The following CSMD1 variants were observed in gnomAD, a reference collection of about 807,000 sequenced individuals.
The protein encoded by CSMD1 is CUB and sushi domain-containing protein 1.
Under a neutral mutation model 417.5 loss-of-function variants are expected in CSMD1, and 213 were observed. That is an observed-to-expected ratio of 0.51 (90% CI 0.46 to 0.57). The LOEUF is 0.57. Ranked by LOEUF, CSMD1 falls within the 20% of genes least tolerant of loss-of-function variation. The probability of loss-of-function intolerance (pLI) is 0.00; values close to 1 mark genes in which losing one functional copy is unlikely to be tolerated. For synonymous variants in CSMD1, 2,862 were observed against 1,736.8 expected (o/e 1.65, Z -16.11); for missense variants, 6,923 against 4,529.7 (o/e 1.53, Z -15.17).
At chr8:3,553,170 G>A (rs1457257540) in intron 10 of CSMD1, among the ~76,000 whole-genome samples, 1 of 151,834 alleles carries the variant, frequency 6.6e-6, no homozygotes, top group Non-Finnish European at 1.5e-5. Context: ...TCTTTCATCA[G>A]TTTCAGGCTG....
intron 6 of CSMD1, among the ~76,000 whole-genome samples, chr8:3,712,398 G>GAGAGAC (rs1198058991): frequency 6.4e-3 from 185 of 28,902 alleles, no homozygotes; most frequent in African/African-American, 0.013. Context: ...GAGAGAGAGA[G>GAGAGAC]AGACAGACAG....
At chr8:4,351,652 G>C (rs1019415543) in intron 3 of CSMD1, among the ~76,000 whole-genome samples, 2 of 152,196 alleles carry the variant, frequency 1.3e-5, no homozygotes, top group Non-Finnish European at 2.9e-5. Flanking sequence ...TTATAGGAAA[G>C]GCTTCCCAGG....
chr8:3,578,144 C>A (rs74856761), intron 9 of CSMD1, among the ~76,000 whole-genome samples: 5,820 of 152,294 alleles, frequency 0.038, 303 homozygotes, highest in East Asian at 0.14. Flanking sequence ...CCTCCGTCAG[C>A]TTCCAGCACC....
chr8:3,842,485 T>A (rs1803202364), intron 5 of CSMD1, among the ~76,000 whole-genome samples: 1 of 152,262 alleles, frequency 6.6e-6, no homozygotes, highest in East Asian at 1.9e-4. Context: ...GTATTAAATA[T>A]TTTTTGGCTA....
intron 3 of CSMD1, among the ~76,000 whole-genome samples, chr8:4,257,733 T>C (rs1010812528): frequency 1.3e-5 from 2 of 152,202 alleles, no homozygotes; most frequent in African/African-American, 4.8e-5. Context: ...ACCTCTCTGC[T>C]TCCGCTTTCC....
In CSMD1 at chr8:4,496,879, C is replaced by T. The variant is rs750079085; in HGVS notation, c.303-76814G>A. On this transcript the variant is annotated intron_variant, in intron 2 of 69. Coordinates refer to ENST00000635120, the MANE Select transcript of CSMD1 (RefSeq NM_033225.6). Reference sequence around the variant, plus strand: ...TTACAATATCAGGACAGATCTTTCCCAGGCTTTCCAGACCATTTAATGCTT... The same window carrying T: ...TTACAATATCAGGACAGATCTTTCCTAGGCTTTCCAGACCATTTAATGCTT... Among the ~76,000 whole-genome samples, 19 of 152,094 alleles carry T rather than the reference C, an allele frequency of 1.2e-4. 1 individual carries two copies. The highest frequency in any genetic ancestry group is 3.9e-4 in the Admixed American group (6 of 15,268).
intron 1 of CSMD1, among the ~76,000 whole-genome samples, chr8:4,675,934 G>A (rs1221052731): frequency 6.6e-6 from 1 of 152,148 alleles, no homozygotes; most frequent in Non-Finnish European, 1.5e-5. Flanking sequence ...GTTAAGCCTG[G>A]ATTGAATGAT....
intron 1 of CSMD1, among the ~76,000 whole-genome samples, chr8:4,895,611 GAT>G (rs1804431617): frequency 1.3e-5 from 2 of 151,934 alleles, no homozygotes; most frequent in Admixed American, 1.3e-4. Context: ...TTCTTTTTAT[GAT>G]ATGACTTTCC....
chr8:3,400,755 G>A (rs1238408674), intron 15 of CSMD1, among the ~76,000 whole-genome samples: 1 of 151,556 alleles, frequency 6.6e-6, no homozygotes, highest in Non-Finnish European at 1.5e-5. Context: ...TTAAAAACAT[G>A]TTAATAATGG....
intron 2 of CSMD1, among the ~76,000 whole-genome samples, chr8:4,440,855 G>C (rs1057163583): frequency 1.3e-5 from 2 of 151,610 alleles, no homozygotes; most frequent in Non-Finnish European, 2.9e-5. Context: ...AACTTAGCTG[G>C]GAGTGGGGGT....
intron 5 of CSMD1, among the ~76,000 whole-genome samples, chr8:3,882,325 A>T (rs1487102466): frequency 1.3e-5 from 2 of 152,246 alleles, no homozygotes; most frequent in African/African-American, 4.8e-5. Flanking sequence ...CAGTCAGATA[A>T]ATTCAAATAA....
chr8:4,304,496 C>A (rs867000071), intron 3 of CSMD1, among the ~76,000 whole-genome samples: 2 of 152,140 alleles, frequency 1.3e-5, no homozygotes, highest in Admixed American at 1.3e-4. Flanking sequence ...CTGACACAAA[C>A]GTAAGCCTTA....
At position 4,704,406 on chromosome 8, in the gene CSMD1, A is replaced by G. The variant is rs955560142; in HGVS notation, c.86-66848T>C. Reference sequence around the variant, plus strand: ...ATCTCAGTTGTTTATTTACTTATCTATTGTTTATGTGGTGTCTGGCAGAGA... The same window carrying G: ...ATCTCAGTTGTTTATTTACTTATCTGTTGTTTATGTGGTGTCTGGCAGAGA... On this transcript the variant is annotated intron_variant, in intron 1 of 69. Transcript: ENST00000635120. 3.9e-5 allele frequency among the ~76,000 whole-genome samples: 6 copies of G among 152,104 alleles called. No homozygotes were observed. In the East Asian group the frequency reaches 9.7e-4, roughly 24 times the overall value.
intron 2 of CSMD1, among the ~76,000 whole-genome samples, chr8:4,557,842 C>G (rs1274761724): frequency 6.6e-6 from 1 of 152,266 alleles, no homozygotes; most frequent in South Asian, 2.1e-4. Flanking sequence ...AGCTCTACAT[C>G]AGAGTCACAC....
At chr8:4,704,739 G>A (rs1369509656) in intron 1 of CSMD1, among the ~76,000 whole-genome samples, 1 of 152,124 alleles carries the variant, frequency 6.6e-6, no homozygotes, top group Non-Finnish European at 1.5e-5. Flanking sequence ...CCTTTCAAAT[G>A]TTCTGGATAT....
At chr8:4,856,375 A>C (rs1801800720) in intron 1 of CSMD1, among the ~76,000 whole-genome samples, 1 of 145,300 alleles carries the variant, frequency 6.9e-6, no homozygotes, top group Non-Finnish European at 1.5e-5. Context: ...CAAAATAACC[A>C]GCTAACATCA....
chr8:4,642,574 G>A (rs887298957), intron 1 of CSMD1, among the ~76,000 whole-genome samples: 2 of 152,108 alleles, frequency 1.3e-5, no homozygotes, highest in African/African-American at 4.8e-5. Flanking sequence ...TCTACACCTG[G>A]ATGAAACTGT....
At chr8:4,318,215 C>T (rs927573431) in intron 3 of CSMD1, among the ~76,000 whole-genome samples, 4 of 152,060 alleles carry the variant, frequency 2.6e-5, no homozygotes, top group African/African-American at 9.7e-5. Flanking sequence ...ATTATTACAA[C>T]TATTAGAACT....
At chr8:4,625,200 C>G (rs1489391379) in intron 2 of CSMD1, among the ~76,000 whole-genome samples, 2 of 134,254 alleles carry the variant, frequency 1.5e-5, no homozygotes, top group Non-Finnish European at 3.3e-5. Context: ...CAGGCAACCT[C>G]GTCTACACAG....
Sources: gnomAD v4.1 joint callset for allele counts (sites outside exome capture counted in the v4.1 genomes callset) on GRCh38, gnomAD v4.1.1 for gene constraint, MANE v1.5 for transcripts, NCBI Gene and HGNC (gene_info 2026-07-23, HGNC 2026-07-21) for gene names.